Variants in CMSS1 observed in about 807,000 individuals in gnomAD.
The protein encoded by CMSS1 is protein CMSS1.
In CMSS1, 33 loss-of-function variants were observed where a neutral mutation model predicts 43.5. The ratio of observed to expected loss-of-function variants is 0.76; its 90% CI spans 0.57 to 1.01. The LOEUF is 1.01. CMSS1 is among the 50% of genes least tolerant of loss of function. The pLI, the probability that CMSS1 is intolerant of heterozygous loss-of-function variation, is 0.00. For missense variants in CMSS1, 313 were observed against 326.4 expected, an observed-to-expected ratio of 0.96 and a Z score of 0.32; for synonymous variants, 115 against 117.2, an observed-to-expected ratio of 0.98 and a Z score of 0.12.
chr3:100,160,179 A>T (rs2067011176), intron 2 of CMSS1, among the ~76,000 whole-genome samples: 1 of 152,016 alleles, frequency 6.6e-6, no homozygotes, highest in African/African-American at 2.4e-5. Context: ...ATATACACTC[A>T]CTCACAATTT....
chr3:99,894,322 C>G (rs1170442995), intron 1 of CMSS1, among the ~76,000 whole-genome samples: 1 of 152,124 alleles, frequency 6.6e-6, no homozygotes, highest in South Asian at 2.1e-4. Context: ...AGATCTGCCC[C>G]ATTTGTTCAT....
At chr3:100,087,362 G>T (rs923939602) in intron 1 of CMSS1, among the ~76,000 whole-genome samples, 3 of 152,182 alleles carry the variant, frequency 2.0e-5, no homozygotes, top group Admixed American at 1.3e-4. Context: ...CCAGCAATTG[G>T]TATTGTCAGT....
Position 100,178,604 on chromosome 3 carries a change from T to C in CMSS1, c.*216T>C. 2.2e-6 allele frequency: 1 copy of C among 453,806 alleles called. No individual in the cohort carries two copies. The highest frequency in any genetic ancestry group is 3.6e-5 in the East Asian group (1 of 27,398). 28.1% of individuals were successfully genotyped at this position (453,806 alleles called of 1,614,324 possible). On this transcript the variant is annotated 3_prime_UTR_variant, in exon 10 of 10. Transcript: ENST00000421999. ...TAAAGTATCACCGGCTTGTGTATGA[T>C]CCTTGTTGAGCGGACCGTGTTTTTC... is the stretch of plus-strand genomic sequence containing the variant.
chr3:99,897,216 G>A (rs553844698), intron 1 of CMSS1, among the ~76,000 whole-genome samples: 7 of 152,098 alleles, frequency 4.6e-5, no homozygotes, highest in Admixed American at 3.9e-4. Flanking sequence ...AAAATTAACC[G>A]GGTGTTGTGG....
At chr3:100,038,885 G>A (rs987836151) in intron 1 of CMSS1, among the ~76,000 whole-genome samples, 3 of 151,972 alleles carry the variant, frequency 2.0e-5, no homozygotes, top group Non-Finnish European at 2.9e-5. Context: ...TGTCTATATC[G>A]TATGCTACCT....
intron 4 of CMSS1, among the ~76,000 whole-genome samples, chr3:100,163,327 A>G (rs2067041048): frequency 6.6e-6 from 1 of 152,176 alleles, no homozygotes; most frequent in Non-Finnish European, 1.5e-5. Flanking sequence ...ATTTCTAGTC[A>G]TGGTTTTTAG....
intron 1 of CMSS1, among the ~76,000 whole-genome samples, chr3:99,867,280 T>G (rs915611642): frequency 6.6e-6 from 1 of 152,188 alleles, no homozygotes; most frequent in Admixed American, 6.5e-5. Context: ...ATGTTCTGTT[T>G]GTGGCAGTTA....
At position 100,162,354 on chromosome 3, in the gene CMSS1, G is replaced by A. The variant is rs1332550467; in HGVS notation, c.277G>A (p.Glu93Lys). The A allele has an allele frequency of 6.2e-7, 1 of 1,613,632 alleles. No homozygotes were observed. The highest frequency in any genetic ancestry group is 8.5e-7 in the Non-Finnish European group (1 of 1,179,640). The part of the protein sequence containing the change: ...AKSEPKPGLP[E>K]DLQKLMKDYY... ...ATCAGAACCAAAACCAGGGTTACCTGAAGACCTACAGAAGCTGATGAAGGA... is the reference window on the plus strand; with the variant it reads ...ATCAGAACCAAAACCAGGGTTACCTAAAGACCTACAGAAGCTGATGAAGGA... Residue 93 changes from glutamate to lysine, a missense_variant, in exon 4 of 10, where the codon GAA (glutamate) becomes AAA (lysine). Transcript: ENST00000421999.
At chr3:99,852,166 A>G (rs558606061) in intron 1 of CMSS1, among the ~76,000 whole-genome samples, 3 of 152,324 alleles carry the variant, frequency 2.0e-5, no homozygotes, top group South Asian at 2.1e-4. Flanking sequence ...ACTCTCAATT[A>G]TACTGCGAAT....
intron 1 of CMSS1, among the ~76,000 whole-genome samples, chr3:100,107,422 A>G (rs1283543270): frequency 1.3e-5 from 2 of 152,094 alleles, no homozygotes. Context: ...ATTTCTGAAC[A>G]CTTTGTTTAC....
chr3:100,165,969 C>T (rs900490599), intron 4 of CMSS1, among the ~76,000 whole-genome samples: 1 of 152,192 alleles, frequency 6.6e-6, no homozygotes, highest in Non-Finnish European at 1.5e-5. Flanking sequence ...TATTAACTTG[C>T]ACTTCTCTGA....
chr3:100,074,689 T>TTTTTTTTTTTTTC (rs2065820943), intron 1 of CMSS1, among the ~76,000 whole-genome samples: 1 of 100,550 alleles, frequency 9.9e-6, no homozygotes, highest in Non-Finnish European at 2.0e-5. Flanking sequence ...TTTTTTTTTT[T>TTTTTTTTTTTTTC]TTTTTTTTTT....
At chr3:99,841,461 A>G (rs1465602585) in intron 1 of CMSS1, among the ~76,000 whole-genome samples, 1 of 152,178 alleles carries the variant, frequency 6.6e-6, no homozygotes, top group Non-Finnish European at 1.5e-5. Context: ...GGAAGTCTCA[A>G]TTCCCTCTGT....
At chr3:99,988,555 G>A (rs1290385067) in intron 1 of CMSS1, among the ~76,000 whole-genome samples, 2 of 147,616 alleles carry the variant, frequency 1.4e-5, no homozygotes, top group Non-Finnish European at 3.0e-5. Context: ...AAAAAAGAAA[G>A]TCTGAAATAT....
intron 1 of CMSS1, among the ~76,000 whole-genome samples, chr3:100,127,631 A>G (rs1411003377): frequency 6.6e-6 from 1 of 152,206 alleles, no homozygotes; most frequent in Non-Finnish European, 1.5e-5. Context: ...TGGGGACCCC[A>G]AGAGCATCCC....
intron 1 of CMSS1, among the ~76,000 whole-genome samples, chr3:100,080,266 A>G (rs1377045643): frequency 6.6e-6 from 1 of 152,254 alleles, no homozygotes; most frequent in African/African-American, 2.4e-5. Flanking sequence ...TACAAGCATG[A>G]ACCACTGCAC....
intron 1 of CMSS1, among the ~76,000 whole-genome samples, chr3:99,902,882 A>G (rs13100490): frequency 0.067 from 10,152 of 152,266 alleles, 400 homozygotes; most frequent in Middle Eastern, 0.085. Context: ...TAAAGAGGAA[A>G]AAAATCTATG....
At chr3:100,068,360 G>A (rs923332606) in intron 1 of CMSS1, among the ~76,000 whole-genome samples, 1 of 151,774 alleles carries the variant, frequency 6.6e-6, no homozygotes, top group Non-Finnish European at 1.5e-5. Flanking sequence ...CTGTGTGTGT[G>A]TGTGTGTGTG....
Position 100,178,409 on chromosome 3 carries a change from T to G in CMSS1, c.*21T>G. 1 of 1,510,040 alleles carries G rather than the reference T, an allele frequency of 6.6e-7. No homozygotes were observed. The highest frequency in any genetic ancestry group is 1.7e-5 in the Admixed American group (1 of 58,196). The allele number at this position is 1,510,040 out of a possible 1,614,324, so 93.5% of individuals were successfully genotyped here. On this transcript the variant is annotated 3_prime_UTR_variant, in exon 10 of 10. Coordinates refer to ENST00000421999, the MANE Select transcript of CMSS1 (RefSeq NM_032359.4). The stretch of plus-strand genomic sequence containing the variant: ...TCTAAGTCTGTGTCCTAATGAAGAT[T>G]CCAGTTTTCACAGTAGAAGTTGCAT...
Sources: allele counts gnomAD v4.1 joint callset (sites outside exome capture counted in the v4.1 genomes callset), GRCh38; gene constraint gnomAD v4.1.1; transcripts MANE v1.5; gene names NCBI Gene and HGNC (gene_info 2026-07-23, HGNC 2026-07-21).